Variants in BST1 observed in about 807,000 individuals in gnomAD.
BST1 encodes the protein bone marrow stromal cell antigen 1, also known as ADP-ribosyl cyclase/cyclic ADP-ribose hydrolase 2.
BST1 carries 49 observed loss-of-function variants against 40.6 expected under a neutral mutation model. The observed-to-expected ratio is 1.21, with a 90% confidence interval of 0.96 to 1.53. BST1 has a LOEUF of 1.53. BST1 is among the 40% of genes most tolerant of loss of function. The probability of loss-of-function intolerance (pLI) is 0.00; values close to 1 mark genes in which losing one functional copy is unlikely to be tolerated. For missense variants in BST1, 423 were observed against 395.9 expected, an observed-to-expected ratio of 1.07 and a Z score of -0.58; for synonymous variants, 157 against 159.3, an observed-to-expected ratio of 0.99 and a Z score of 0.11.
the BST1 span, among the ~76,000 whole-genome samples, chr4:15,759,688 C>T: frequency 6.9e-5 from 10 of 144,970 alleles, no homozygotes; most frequent in East Asian, 1.8e-3. Context: ...AACCATTTTC[C>T]CTGTTTCTGT....
chr4:15,767,688 C>G, the BST1 span, among the ~76,000 whole-genome samples: 1 of 136,744 alleles, frequency 7.3e-6, no homozygotes, highest in African/African-American at 2.7e-5. Flanking sequence ...ACACAGAACA[C>G]TTTATTGTTT....
chr4:15,733,205 G>C (rs1228549341), downstream of BST1, among the ~76,000 whole-genome samples: 1 of 152,160 alleles, frequency 6.6e-6, no homozygotes, highest in African/African-American at 2.4e-5. Flanking sequence ...AGCGCTGATT[G>C]GTCCATTTTA....
chr4:15,752,156 T>C, the BST1 span, among the ~76,000 whole-genome samples: 2,156 of 152,320 alleles, frequency 0.014, 59 homozygotes, highest in African/African-American at 0.049. Flanking sequence ...CTAGGATCTA[T>C]TCAGTAAATG....
chr4:15,709,935 C>T (rs1720100257), intron 3 of BST1, among the ~76,000 whole-genome samples: 2 of 151,850 alleles, frequency 1.3e-5, no homozygotes, highest in South Asian at 4.2e-4. Context: ...TTGACAGCAG[C>T]TCTTTTTTAT....
chr4:15,734,791 C>A (rs2148898700), downstream of BST1, among the ~76,000 whole-genome samples: 1 of 152,210 alleles, frequency 6.6e-6, no homozygotes, highest in East Asian at 1.9e-4. Flanking sequence ...TCATGTTTAT[C>A]CAAAAAACAG....
At chr4:15,711,044 C>A (rs986924115) in intron 3 of BST1, among the ~76,000 whole-genome samples, 9 of 152,190 alleles carry the variant, frequency 5.9e-5, no homozygotes, top group African/African-American at 2.2e-4. Flanking sequence ...CCCGCCTCAG[C>A]TTCCTAAAAT....
Position 15,703,269 on chromosome 4 carries a change from A to G in BST1, c.125A>G (p.His42Arg). 2 of 1,538,518 alleles carry G rather than the reference A, an allele frequency of 1.3e-6. No homozygotes were observed. Among genetic ancestry groups the G allele is most frequent in the Non-Finnish European group, 1.7e-6 (2 of 1,146,834 alleles). ...ARWRGEGTSA[H>R]LRDIFLGRCA... ...TGGCGCGGGGAGGGCACCAGCGCAC[A>G]CTTGCGGGACATCTTCCTGGGCCGC... Residue 42 changes from histidine (H) to arginine (R), a missense_variant, in exon 1 of 9, where the codon CAC (histidine) becomes CGC (arginine). By Grantham distance (29) the His-to-Arg change is conservative. Coordinates refer to ENST00000265016, the MANE Select transcript of BST1 (RefSeq NM_004334.3).
At chr4:15,755,140 T>A in the BST1 span, among the ~76,000 whole-genome samples, 2,135 of 152,242 alleles carry the variant, frequency 0.014, 55 homozygotes, top group African/African-American at 0.049. Flanking sequence ...CTCTTTTTTT[T>A]ATTTTTTTAT....
chr4:15,748,191 T>C, the BST1 span, among the ~76,000 whole-genome samples: 1 of 152,228 alleles, frequency 6.6e-6, no homozygotes, highest in African/African-American at 2.4e-5. Flanking sequence ...GCTTTCCCAA[T>C]TCCTGACATA....
At chr4:15,760,066 C>T in the BST1 span, among the ~76,000 whole-genome samples, 1 of 152,078 alleles carries the variant, frequency 6.6e-6, no homozygotes. Flanking sequence ...AAACCCCATT[C>T]CTATTGGGCT....
At chr4:15,764,897 T>TGTGTGTGTGTGTGTGTGTG in the BST1 span, among the ~76,000 whole-genome samples, 8 of 132,960 alleles carry the variant, frequency 6.0e-5, no homozygotes, top group South Asian at 2.4e-4. Flanking sequence ...TGTGTGTGTG[T>TGTGTGTGTGTGTGTGTGTG]TTTGCAAAGT....
At chr4:15,769,558 G>A in the BST1 span, among the ~76,000 whole-genome samples, 1 of 152,146 alleles carries the variant, frequency 6.6e-6, no homozygotes, top group Non-Finnish European at 1.5e-5. Flanking sequence ...AGCTAGTGGG[G>A]GTGGAGAGCT....
chr4:15,714,443 C>T (rs1367334970), intron 4 of BST1, among the ~76,000 whole-genome samples: 1 of 152,178 alleles, frequency 6.6e-6, no homozygotes, highest in African/African-American at 2.4e-5. Context: ...ACAGTAGAGC[C>T]CATGCCCCTC....
the BST1 span, among the ~76,000 whole-genome samples, chr4:15,772,184 G>A: frequency 6.6e-6 from 1 of 152,176 alleles, no homozygotes; most frequent in Non-Finnish European, 1.5e-5. Flanking sequence ...TCAAAGGGGT[G>A]TGTTTTGTGG....
chr4:15,727,049 C>T (rs1239168156), intron 8 of BST1, among the ~76,000 whole-genome samples: 1 of 152,092 alleles, frequency 6.6e-6, no homozygotes, highest in African/African-American at 2.4e-5. Context: ...CCAGCTGGCA[C>T]TCTGGAGTCA....
At chr4:15,728,530 G>C (rs1721228525) in intron 8 of BST1, among the ~76,000 whole-genome samples, 1 of 135,768 alleles carries the variant, frequency 7.4e-6, no homozygotes, top group African/African-American at 2.8e-5. Flanking sequence ...ATGGCATATT[G>C]TAACCTCAAC....
At chr4:15,751,807 T>G in the BST1 span, among the ~76,000 whole-genome samples, 19 of 152,134 alleles carry the variant, frequency 1.2e-4, no homozygotes, top group Admixed American at 1.2e-3. Flanking sequence ...AAATATACAC[T>G]GTAGTCACTA....
the BST1 span, among the ~76,000 whole-genome samples, chr4:15,773,885 A>T: frequency 6.6e-6 from 1 of 152,184 alleles, no homozygotes; most frequent in Non-Finnish European, 1.5e-5. Context: ...ATTCTTGCTT[A>T]AAGTTTCTAC....
At chr4:15,762,188 C>CAA in the BST1 span, among the ~76,000 whole-genome samples, 46 of 61,252 alleles carry the variant, frequency 7.5e-4, 3 homozygotes, top group Admixed American at 1.2e-3. Flanking sequence ...GACTCCATCT[C>CAA]AAAAAAAAAA....
Sources: gnomAD v4.1 joint callset for allele counts (sites outside exome capture counted in the v4.1 genomes callset) on GRCh38, gnomAD v4.1.1 for gene constraint, MANE v1.5 for transcripts, NCBI Gene and HGNC (gene_info 2026-07-23, HGNC 2026-07-21) for gene names.